The following CDH18 variants were observed in gnomAD, a reference collection of about 807,000 sequenced individuals.
CDH18 encodes cadherin-18.
Under a neutral mutation model 67.9 loss-of-function variants are expected in CDH18, and 31 were observed. That is an observed-to-expected ratio of 0.46 (90% confidence interval 0.34 to 0.62). The LOEUF is 0.62. Ranked by LOEUF, CDH18 falls within the 20% of genes least tolerant of loss-of-function variation. The pLI is 0.01. For synonymous variants in CDH18, 362 were observed against 347.2 expected (o/e 1.04, Z -0.48); for missense variants, 890 against 975.5 (o/e 0.91, Z 1.17).
intron 6 of CDH18, among the ~76,000 whole-genome samples, chr5:19,600,803 A>G (rs1747006366): frequency 1.3e-5 from 2 of 152,110 alleles, no homozygotes; most frequent in Non-Finnish European, 2.9e-5. Context: ...TTATCTGGAA[A>G]AATTAAATGT....
At chr5:19,667,932 C>T (rs977482703) in intron 5 of CDH18, among the ~76,000 whole-genome samples, 4 of 151,798 alleles carry the variant, frequency 2.6e-5, no homozygotes, top group Admixed American at 6.6e-5. Context: ...TACTCTCTAG[C>T]CATGTGGCCT....
intron 1 of CDH18, among the ~76,000 whole-genome samples, chr5:20,293,459 G>A (rs1747256567): frequency 6.7e-6 from 1 of 148,658 alleles, no homozygotes; most frequent in Non-Finnish European, 1.5e-5. Context: ...AATAAAAAAA[G>A]AAAAGAAAAG....
intron 2 of CDH18, among the ~76,000 whole-genome samples, chr5:19,860,852 A>T (rs1784818472): frequency 6.6e-6 from 1 of 152,140 alleles, no homozygotes; most frequent in African/African-American, 2.4e-5. Context: ...TTAGCATACA[A>T]TTTAAAAGAA....
At chr5:20,347,768 AG>A (rs1275282861) in intron 1 of CDH18, among the ~76,000 whole-genome samples, 1 of 152,204 alleles carries the variant, frequency 6.6e-6, no homozygotes, top group Non-Finnish European at 1.5e-5. Context: ...GGAGTCAGTC[AG>A]CCCAAACTCA....
At chr5:19,764,230 T>C (rs1463180010) in intron 3 of CDH18, among the ~76,000 whole-genome samples, 1 of 150,556 alleles carries the variant, frequency 6.6e-6, no homozygotes, top group Non-Finnish European at 1.5e-5. Context: ...ATAGCAATAA[T>C]CATTGTTGAT....
At chr5:19,549,790 AAGG>A (rs1410903976) in intron 8 of CDH18, among the ~76,000 whole-genome samples, 3 of 150,260 alleles carry the variant, frequency 2.0e-5, no homozygotes, top group Admixed American at 6.6e-5. Flanking sequence ...GGAAGAAAGA[AAGG>A]AAGAAAGAAA....
chr5:20,527,325 T>C (rs1204063811), intron 1 of CDH18, among the ~76,000 whole-genome samples: 1 of 151,742 alleles, frequency 6.6e-6, no homozygotes, highest in Non-Finnish European at 1.5e-5. Flanking sequence ...GGAACCGAGA[T>C]GGAAAACACA....
chr5:20,096,410 A>G (rs1302474214), intron 2 of CDH18, among the ~76,000 whole-genome samples: 2 of 152,114 alleles, frequency 1.3e-5, no homozygotes, highest in African/African-American at 2.4e-5. Flanking sequence ...GACTACTTTG[A>G]CCAAGGAAAA....
intron 2 of CDH18, among the ~76,000 whole-genome samples, chr5:20,028,831 T>G (rs1287886846): frequency 2.0e-5 from 3 of 152,172 alleles, no homozygotes; most frequent in African/African-American, 7.2e-5. Context: ...TAATATTTTT[T>G]TGGCTGCAGA....
chr5:19,575,749 A>G (rs1742213249), intron 7 of CDH18, among the ~76,000 whole-genome samples: 1 of 152,176 alleles, frequency 6.6e-6, no homozygotes. Flanking sequence ...AATTACCTTG[A>G]AGTTCTGAAG....
At chr5:19,849,180 A>G (rs1208986101) in intron 2 of CDH18, among the ~76,000 whole-genome samples, 1 of 152,020 alleles carries the variant, frequency 6.6e-6, no homozygotes, top group Non-Finnish European at 1.5e-5. Flanking sequence ...AGCCAATTAA[A>G]CTAGTCTCAG....
intron 2 of CDH18, among the ~76,000 whole-genome samples, chr5:20,049,751 A>G (rs535293256): frequency 1.3e-5 from 2 of 151,868 alleles, no homozygotes; most frequent in South Asian, 2.1e-4. Flanking sequence ...GCGACCAGAA[A>G]GGATAGAAAT....
intron 2 of CDH18, among the ~76,000 whole-genome samples, chr5:20,213,199 T>C (rs949153251): frequency 2.6e-5 from 4 of 152,130 alleles, no homozygotes; most frequent in South Asian, 2.1e-4. Flanking sequence ...TCTCAGAGAA[T>C]AGGGAGGCCT....
In CDH18 at chr5:20,235,166, T is replaced by C. The variant is rs149405452; in HGVS notation, c.-518+20278A>G. Among the ~76,000 whole-genome samples the C allele has an allele frequency of 3.2e-4, 48 of 152,112 alleles. 2 individuals are homozygous for C. The East Asian group carries it at 7.3e-3, about 23-fold the overall frequency. On this transcript the variant is annotated intron_variant, in intron 2 of 14. Coordinates refer to the CDH18 transcript ENST00000507958. ...TAGACTTAAATGTAAGACTTCAAAA[T>C]ATAAAAATCATAGAAGAAAACCTAG...
intron 1 of CDH18, among the ~76,000 whole-genome samples, chr5:20,395,930 A>G (rs1745241830): frequency 6.6e-6 from 1 of 152,162 alleles, no homozygotes; most frequent in South Asian, 2.1e-4. Context: ...TAGAGAGGGC[A>G]TGGAAGCACT....
chr5:19,726,553 T>G (rs763477693), intron 4 of CDH18, among the ~76,000 whole-genome samples: 4 of 151,562 alleles, frequency 2.6e-5, no homozygotes, highest in Non-Finnish European at 5.9e-5. Context: ...AGAACAGGAG[T>G]GGACATAAAT....
At chr5:20,275,357 G>C (rs983264945) in intron 1 of CDH18, among the ~76,000 whole-genome samples, 2 of 151,998 alleles carry the variant, frequency 1.3e-5, no homozygotes, top group Non-Finnish European at 2.9e-5. Context: ...ATATGAAGAA[G>C]GTCATTGCTT....
At chr5:19,576,484 A>G (rs969951786) in intron 7 of CDH18, among the ~76,000 whole-genome samples, 1 of 152,222 alleles carries the variant, frequency 6.6e-6, no homozygotes, top group African/African-American at 2.4e-5. Context: ...CAACATATAT[A>G]TGAAAAATTC....
chr5:19,611,887 T>C (rs1230194845), intron 6 of CDH18, among the ~76,000 whole-genome samples: 1 of 151,896 alleles, frequency 6.6e-6, no homozygotes, highest in African/African-American at 2.4e-5. Flanking sequence ...TGTTTTCAAG[T>C]CTTATATTTT....
Sources: allele counts gnomAD v4.1 joint callset (sites outside exome capture counted in the v4.1 genomes callset), GRCh38; gene constraint gnomAD v4.1.1; transcripts MANE v1.5; gene names NCBI Gene and HGNC (gene_info 2026-07-23, HGNC 2026-07-21).